EML1: variants seen among roughly 807,000 people sequenced by gnomAD.
EML1 encodes EMAP like 1, also known as echinoderm microtubule-associated protein-like 1.
In EML1, 27 loss-of-function variants were observed where a neutral mutation model predicts 110.4. The observed-to-expected ratio is 0.24, with a 90% CI of 0.18 to 0.34. The LOEUF (loss-of-function observed/expected upper bound fraction) is 0.34. Among genes scored for constraint, EML1 ranks in the 10% least tolerant of loss-of-function variants. The probability of loss-of-function intolerance (pLI) is 1.00; values close to 1 mark genes in which losing one functional copy is unlikely to be tolerated. For synonymous variants in EML1, 344 were observed against 385.8 expected (o/e 0.89, Z 1.27); for missense variants, 741 against 1,030.9 (o/e 0.72, Z 3.85).
upstream of EML1, among the ~76,000 whole-genome samples, chr14:99,771,099 A>G (rs1277494808): frequency 6.6e-6 from 1 of 152,056 alleles, no homozygotes; most frequent in Non-Finnish European, 1.5e-5. Context: ...CTGATATTAT[A>G]ATGATCAGTA....
intron 1 of EML1, among the ~76,000 whole-genome samples, chr14:99,763,020 A>T (rs2057330696): frequency 6.6e-6 from 1 of 152,082 alleles, no homozygotes; most frequent in Non-Finnish European, 1.5e-5. Context: ...GTGGGAGGCA[A>T]TTGAATCATG....
At chr14:99,749,690 C>T (rs1044506403) in intron 1 of EML1, among the ~76,000 whole-genome samples, 3 of 152,320 alleles carry the variant, frequency 2.0e-5, no homozygotes, top group Non-Finnish European at 4.4e-5. Context: ...TAGACAGGGA[C>T]AAACATCAGT....
chr14:99,860,810 C>T lies in EML1; in HGVS notation c.251-4704C>T, dbSNP rs1408982443. Among the ~76,000 whole-genome samples, 4 of 152,178 alleles carry T rather than the reference C, an allele frequency of 2.6e-5. No individual in the cohort carries two copies. In the East Asian group the frequency reaches 7.7e-4, roughly 29 times the overall value. On this transcript the variant is annotated intron_variant, in intron 2 of 21. Coordinates refer to ENST00000262233, the MANE Select transcript of EML1 (RefSeq NM_004434.3). ...CAGTGTGTGTCCCCCTCCCCCTTCC[C>T]ATCCCTCTCCTCTTCCTCCTCTTCC... is the stretch of plus-strand genomic sequence containing the variant.
intron 5 of EML1, among the ~76,000 whole-genome samples, chr14:99,894,145 G>C (rs1236815340): frequency 1.3e-5 from 2 of 151,868 alleles, no homozygotes; most frequent in Non-Finnish European, 2.9e-5. Context: ...TGAAAGAATT[G>C]TTCAGTTAAA....
At chr14:99,938,540 A>G (rs936241419) in intron 20 of EML1, among the ~76,000 whole-genome samples, 2 of 152,144 alleles carry the variant, frequency 1.3e-5, no homozygotes, top group African/African-American at 4.8e-5. Flanking sequence ...TTCCCCGACA[A>G]TGGTCAGAAG....
intron 3 of EML1, among the ~76,000 whole-genome samples, chr14:99,872,258 T>A (rs1454043342): frequency 6.6e-6 from 1 of 152,104 alleles, no homozygotes; most frequent in Non-Finnish European, 1.5e-5. Context: ...AAAGGGCTCC[T>A]AGGTGGCAAT....
At chr14:99,909,318 G>T in intron 10 of EML1, 27 bp from the exon 11 acceptor site, 1 of 1,614,066 alleles carries the variant, frequency 6.2e-7, no homozygotes, top group Non-Finnish European at 8.5e-7. Context: ...GAGATGTGAG[G>T]CATCCGAGTC....
chr14:99,815,784 T>C (rs2058157080), intron 1 of EML1, among the ~76,000 whole-genome samples: 1 of 152,216 alleles, frequency 6.6e-6, no homozygotes, highest in Non-Finnish European at 1.5e-5. Flanking sequence ...GATGTTTCTT[T>C]ATGACTTGAA....
chr14:99,753,069 G>A (rs1434217285), intron 1 of EML1, among the ~76,000 whole-genome samples: 2 of 151,980 alleles, frequency 1.3e-5, no homozygotes, highest in African/African-American at 2.4e-5. Context: ...ATAGCCATAA[G>A]AGGGAAGCAG....
intron 4 of EML1, among the ~76,000 whole-genome samples, chr14:99,888,154 G>C (rs2059514743): frequency 6.6e-6 from 1 of 152,170 alleles, no homozygotes; most frequent in South Asian, 2.1e-4. Context: ...AAGCATTTTA[G>C]TACCACCTGA....
chr14:99,885,165 G>A (rs902507407), intron 4 of EML1, among the ~76,000 whole-genome samples: 6 of 152,220 alleles, frequency 3.9e-5, no homozygotes, highest in Admixed American at 6.5e-5. Context: ...TGAATGGATG[G>A]AAGGATATTG....
intron 1 of EML1, among the ~76,000 whole-genome samples, chr14:99,848,835 C>T (rs1437697117): frequency 6.6e-6 from 1 of 151,702 alleles, no homozygotes; most frequent in Admixed American, 6.6e-5. Context: ...TGGTGGGGTG[C>T]GCCTGTAGTC....
At position 99,939,285 on chromosome 14, in the gene EML1, T is replaced by C; in HGVS notation, c.2280T>C (p.Phe760=). 1 of 1,614,218 alleles carries C rather than the reference T, an allele frequency of 6.2e-7. No homozygotes were observed. The highest frequency in any genetic ancestry group is 8.5e-7 in the Non-Finnish European group (1 of 1,180,030). ...EKKLLSTGDD[F]GKVHLFSYPC... Reference sequence around the variant, plus strand: ...AACTCCTGTCAACAGGCGACGACTTTGGCAAAGTGCACCTCTTCTCATACC... The same window carrying C: ...AACTCCTGTCAACAGGCGACGACTTCGGCAAAGTGCACCTCTTCTCATACC... Residue 760 remains phenylalanine (F), a synonymous_variant, in exon 21 of 22, where the codon TTT becomes TTC. Transcript: ENST00000262233. The surrounding 1 kb of genome is among the most constrained non-coding windows in gnomAD (Gnocchi z 4.2).
intron 15 of EML1, among the ~76,000 whole-genome samples, chr14:99,916,488 C>T (rs765400852): frequency 4.6e-5 from 7 of 152,180 alleles, no homozygotes; most frequent in Non-Finnish European, 1.0e-4. Context: ...ACTTTTCTTC[C>T]TGATCTTCCT....
chr14:99,923,412 T>A (rs1279709866), intron 17 of EML1, among the ~76,000 whole-genome samples: 1 of 152,198 alleles, frequency 6.6e-6, no homozygotes, highest in Non-Finnish European at 1.5e-5. Flanking sequence ...TGCATTCGAG[T>A]CTATGATCCA....
At chr14:99,853,392 C>T (rs532001982) in intron 2 of EML1, among the ~76,000 whole-genome samples, 7 of 151,670 alleles carry the variant, frequency 4.6e-5, no homozygotes, top group African/African-American at 9.7e-5. Context: ...GGCATGCCCA[C>T]GGGAGGGGTG....
At chr14:99,834,666 A>G (rs2058511571) in intron 1 of EML1, among the ~76,000 whole-genome samples, 1 of 152,164 alleles carries the variant, frequency 6.6e-6, no homozygotes, top group Non-Finnish European at 1.5e-5. Flanking sequence ...TGATTTTGAT[A>G]TTAGAGTAAT....
At position 99,910,269 on chromosome 14, in the gene EML1, T is replaced by C; in HGVS notation, c.1267T>C (p.Cys423Arg). ...ACAAGAAAAGCCAAAGTTTGTCCTC[T>C]GTGTGACTTTCTCTGAAAACGGTGA... Reference protein sequence around the residue: ...EKQEKPKFVLCVTFSENGDTI... With the variant: ...EKQEKPKFVLRVTFSENGDTI... Residue 423 changes from cysteine (C) to arginine (R), a missense_variant, in exon 12 of 22, where the codon TGT becomes CGT. Coordinates refer to ENST00000262233, the MANE Select transcript of EML1 (RefSeq NM_004434.3). 1 of 1,613,042 alleles carries C rather than the reference T, an allele frequency of 6.2e-7. No homozygotes were observed. Among genetic ancestry groups the C allele is most frequent in the East Asian group, 2.2e-5 (1 of 44,770 alleles).
intron 4 of EML1, among the ~76,000 whole-genome samples, chr14:99,890,836 CT>C (rs2059574399): frequency 6.6e-6 from 1 of 152,284 alleles, no homozygotes; most frequent in South Asian, 2.1e-4. Context: ...TAAATAAGTT[CT>C]TTAAATAATC....
Sources: gnomAD v4.1 joint callset for allele counts (sites outside exome capture counted in the v4.1 genomes callset) on GRCh38, gnomAD v4.1.1 for gene constraint, Gnocchi (gnomAD v3.1) non-coding constraint, MANE v1.5 for transcripts, NCBI Gene and HGNC (gene_info 2026-07-23, HGNC 2026-07-21) for gene names.